POC5: variants seen among roughly 807,000 people sequenced by gnomAD.
The protein encoded by POC5 is centrosomal protein POC5.
POC5 carries 48 observed loss-of-function variants against 62.9 expected under a neutral mutation model. That is an observed-to-expected ratio of 0.76 (90% CI 0.61 to 0.97). The LOEUF (loss-of-function observed/expected upper bound fraction) is 0.97, where lower values mean the gene tolerates loss of function less well. Among genes scored for constraint, POC5 ranks in the 50% least tolerant of loss-of-function variants. POC5 has a pLI of 0.00. For missense variants in POC5, 696 were observed against 679.5 expected (o/e 1.02, Z -0.27); for synonymous variants, 236 against 228.2 (o/e 1.03, Z -0.31).
At chr5:75,716,817 A>G (rs1438965173) in intron 1 of POC5, among the ~76,000 whole-genome samples, 2 of 152,220 alleles carry the variant, frequency 1.3e-5, no homozygotes, top group Non-Finnish European at 2.9e-5. Context: ...AGGCAAAGGA[A>G]GAGCGAATTA....
chr5:75,707,978 C>G (rs1777193434), intron 2 of POC5, 103 bp from the exon 3 acceptor site: 2 of 1,037,446 alleles, frequency 1.9e-6, no homozygotes, highest in Admixed American at 5.8e-5. Flanking sequence ...AATAGAGTCC[C>G]ATGCTTATTA....
At chr5:75,707,286 T>C (rs72768386) in intron 3 of POC5, among the ~76,000 whole-genome samples, 3 of 152,352 alleles carry the variant, frequency 2.0e-5, no homozygotes, top group Non-Finnish European at 4.4e-5. Context: ...CACCTTGTGA[T>C]AATTATTCAA....
intron 5 of POC5, among the ~76,000 whole-genome samples, chr5:75,695,687 A>G (rs1468310125): frequency 2.0e-5 from 3 of 152,088 alleles, no homozygotes; most frequent in African/African-American, 7.2e-5. Context: ...AAAAAAACAA[A>G]CAAAAAAAAG....
Position 75,674,571 on chromosome 5 carries a change from A to C in POC5, c.1592T>G (p.Ile531Ser). ...ATATTTTGCTGCAGTTGCTTGAGGA[A>C]TGGTTTGCTGAAAAGACAAAATTCT... ...EKHHPVTVQT[I>S]PQATAAKYPR... The change falls in exon 12 of 12, where the codon ATT (isoleucine) becomes AGT (serine). Residue 531 changes from isoleucine (I) to serine (S), a missense_variant. Physicochemically the swap from Ile to Ser is moderately radical, Grantham distance 142 (BLOSUM62 -2). Coordinates refer to ENST00000428202, the MANE Select transcript of POC5 (RefSeq NM_001099271.2). 1.2e-6 allele frequency: 2 copies of C among 1,613,794 alleles called. No homozygotes were observed. The highest frequency in any genetic ancestry group is 1.7e-6 in the Non-Finnish European group (2 of 1,179,806).
intron 4 of POC5, among the ~76,000 whole-genome samples, chr5:75,704,560 C>T (rs907272624): frequency 6.6e-6 from 1 of 152,152 alleles, no homozygotes; most frequent in Non-Finnish European, 1.5e-5. Context: ...GGTGGAATGA[C>T]AATGTACATG....
intron 5 of POC5, among the ~76,000 whole-genome samples, chr5:75,699,611 A>T (rs1489135515): frequency 2.2e-5 from 3 of 137,208 alleles, no homozygotes; most frequent in African/African-American, 7.9e-5. Context: ...AGCCAATATC[A>T]TACTGAATGG....
chr5:75,688,805 C>T (rs780366679), intron 9 of POC5, among the ~76,000 whole-genome samples: 3 of 152,150 alleles, frequency 2.0e-5, no homozygotes, highest in Non-Finnish European at 4.4e-5. Context: ...TGTACTTGAT[C>T]AGATCTAAGA....
At chr5:75,711,457 G>A (rs1044953178) in intron 2 of POC5, among the ~76,000 whole-genome samples, 7 of 152,054 alleles carry the variant, frequency 4.6e-5, no homozygotes, top group East Asian at 1.9e-4. Flanking sequence ...TGAAGCATTC[G>A]CATAAAAAGA....
At chr5:75,684,815 T>C (rs1310286421) in intron 10 of POC5, among the ~76,000 whole-genome samples, 1 of 152,148 alleles carries the variant, frequency 6.6e-6, no homozygotes, top group Admixed American at 6.5e-5. Flanking sequence ...ACAGATTTTT[T>C]TTTTCTCCAT....
At chr5:75,707,709 A>C (rs1487405614) in intron 3 of POC5, 28 bp downstream of exon 3, 1 of 1,450,148 alleles carries the variant, frequency 6.9e-7, no homozygotes, top group African/African-American at 1.4e-5. Context: ...ATTTTAAATT[A>C]AGAGATATCT....
At position 75,709,270 on chromosome 5, in the gene POC5, G is replaced by A. The variant is rs570294558; in HGVS notation, c.85-1395C>T. Among the ~76,000 whole-genome samples the A allele has an allele frequency of 3.5e-4, 54 of 152,268 alleles. 2 individuals are homozygous for A. The South Asian group carries it at 0.011, about 30-fold the overall frequency. On this transcript the variant is annotated intron_variant, in intron 2 of 11. Coordinates refer to ENST00000428202, the MANE Select transcript of POC5 (RefSeq NM_001099271.2). ...AGAAAATCTTTAGAAAATTCAACCA[G>A]AATCTCCTTCATATTGCTATAATCA...
chr5:75,706,339 G>A (rs1777120608), intron 3 of POC5, among the ~76,000 whole-genome samples: 1 of 152,192 alleles, frequency 6.6e-6, no homozygotes, highest in African/African-American at 2.4e-5. Context: ...CAAGAATAAA[G>A]AGAATGTGGG....
intron 10 of POC5, among the ~76,000 whole-genome samples, chr5:75,681,468 C>A (rs1775864431): frequency 6.6e-6 from 1 of 152,068 alleles, no homozygotes; most frequent in African/African-American, 2.4e-5. Context: ...ACTTTATGAA[C>A]TGCAATATGC....
intron 7 of POC5, among the ~76,000 whole-genome samples, 173 bp from the exon 8 acceptor site, chr5:75,690,735 T>TACG (rs1277461072): frequency 6.6e-6 from 1 of 152,216 alleles, no homozygotes; most frequent in Non-Finnish European, 1.5e-5. Context: ...TTAAGCAAGC[T>TACG]ACGTAGTTCA....
chr5:75,712,922 C>T lies in POC5; in HGVS notation c.16G>A (p.Glu6Lys). Reference protein sequence around the residue: MSSDEEKYSLPVVQND... With the variant: MSSDEKKYSLPVVQND... ...TGCACAACTGGAAGTGAGTATTTCTCCTCATCTGATGACATTCTGCACAAA... is the reference window on the plus strand; with the variant it reads ...TGCACAACTGGAAGTGAGTATTTCTTCTCATCTGATGACATTCTGCACAAA... Residue 6 changes from glutamate to lysine, a missense_variant, in exon 2 of 12, where the codon GAG becomes AAG. Physicochemically the swap from Glu to Lys is moderately conservative, Grantham distance 56 (BLOSUM62 1). Transcript: ENST00000428202. 1 of 1,611,552 alleles carries T rather than the reference C, an allele frequency of 6.2e-7. No individual in the cohort carries two copies. Among genetic ancestry groups the T allele is most frequent in the Non-Finnish European group, 8.5e-7 (1 of 1,178,588 alleles).
intron 11 of POC5, among the ~76,000 whole-genome samples, chr5:75,675,501 TA>T (rs1422171938): frequency 6.6e-6 from 1 of 152,290 alleles, no homozygotes; most frequent in East Asian, 1.9e-4. Context: ...AGTTTTTGCT[TA>T]AAAAAAGAAT....
chr5:75,684,732 G>C (rs1776027084), intron 10 of POC5, among the ~76,000 whole-genome samples: 1 of 151,586 alleles, frequency 6.6e-6, no homozygotes, highest in Non-Finnish European at 1.5e-5. Flanking sequence ...AGCACTTTCA[G>C]GTATTTTCAT....
rs142273992 is a variant in POC5, at chr5:75,712,461, T to C, written c.84+393A>G. 9,187 of 1,603,568 alleles carry C rather than the reference T, an allele frequency of 5.7e-3. 32 individuals carry two copies. The highest frequency in any genetic ancestry group is 7.2e-3 in the Non-Finnish European group (8,426 of 1,171,436). On this transcript the variant is annotated intron_variant, in intron 2 of 11. Transcript: ENST00000428202. ...ACAACAGAGACCAAACCTCAGCAAG[T>C]AGAACACAAGGGAATCTTGAGCTCT...
intron 4 of POC5, among the ~76,000 whole-genome samples, chr5:75,704,110 G>A (rs113040336): frequency 0.069 from 10,323 of 150,090 alleles, 383 homozygotes; most frequent in South Asian, 0.13. Context: ...AGCCGAGATC[G>A]TGCCACCCAC....
Sources: gnomAD v4.1 joint callset for allele counts (sites outside exome capture counted in the v4.1 genomes callset) on GRCh38, gnomAD v4.1.1 for gene constraint, MANE v1.5 for transcripts, NCBI Gene and HGNC (gene_info 2026-07-23, HGNC 2026-07-21) for gene names.